Variants in DRC8 observed in about 807,000 individuals in gnomAD.
DRC8 encodes the protein dynein regulatory complex protein 8.
the DRC8 span, among the ~76,000 whole-genome samples, chr1:245,009,192 C>T: frequency 6.6e-6 from 1 of 151,250 alleles, no homozygotes; most frequent in Admixed American, 6.6e-5. Flanking sequence ...CGCACCACCA[C>T]GCCCGGCTAA....
chr1:244,988,166 A>G, the DRC8 span, among the ~76,000 whole-genome samples: 1,294 of 152,310 alleles, frequency 8.5e-3, 14 homozygotes, highest in Non-Finnish European at 0.011. Context: ...AATTAAAGTG[A>G]AAAGGGAACT....
At chr1:245,099,636 T>C in the DRC8 span, among the ~76,000 whole-genome samples, 5 of 152,236 alleles carry the variant, frequency 3.3e-5, no homozygotes, top group African/African-American at 1.2e-4. Context: ...TCTGCCCCGT[T>C]TGCAAGTGAA....
chr1:245,043,724 C>T, the DRC8 span, among the ~76,000 whole-genome samples: 3 of 152,286 alleles, frequency 2.0e-5, no homozygotes, highest in Middle Eastern at 6.8e-3. Context: ...CGTGCAGGGA[C>T]GGCCCCAGGA....
the DRC8 span, among the ~76,000 whole-genome samples, chr1:245,102,926 AG>A: frequency 8.9e-3 from 1,157 of 129,352 alleles, 10 homozygotes; most frequent in African/African-American, 0.038. Context: ...TATGGTCAGG[AG>A]GGGGGACCAG....
At chr1:245,040,489 C>T in the DRC8 span, among the ~76,000 whole-genome samples, 3 of 152,166 alleles carry the variant, frequency 2.0e-5, no homozygotes, top group East Asian at 1.9e-4. Flanking sequence ...AGACTAGCTA[C>T]GTTACTAGCA....
At chr1:244,998,087 T>G in the DRC8 span, among the ~76,000 whole-genome samples, 4 of 152,178 alleles carry the variant, frequency 2.6e-5, no homozygotes, top group Admixed American at 6.5e-5. Context: ...CTTTCCAACA[T>G]TTTACTATCA....
chr1:245,021,953 C>T, the DRC8 span, among the ~76,000 whole-genome samples: 11 of 151,828 alleles, frequency 7.2e-5, no homozygotes, highest in African/African-American at 2.4e-4. Context: ...ACTATAAGCA[C>T]GTACCACACC....
the DRC8 span, among the ~76,000 whole-genome samples, chr1:245,044,391 T>G: frequency 2.6e-5 from 4 of 152,208 alleles, no homozygotes; most frequent in African/African-American, 7.2e-5. Flanking sequence ...CGAGTTTATA[T>G]GTTTTTTCTC....
the DRC8 span, among the ~76,000 whole-genome samples, chr1:245,062,690 T>G: frequency 6.6e-6 from 1 of 152,038 alleles, no homozygotes; most frequent in Admixed American, 6.6e-5. Flanking sequence ...TGACTTTTTA[T>G]TGGGGTGACC....
the DRC8 span, among the ~76,000 whole-genome samples, chr1:245,074,656 T>C: frequency 6.6e-6 from 1 of 152,240 alleles, no homozygotes; most frequent in Admixed American, 6.5e-5. Context: ...AAGGAATTTA[T>C]AACCCAGAAG....
chr1:245,107,875 G>A, the DRC8 span, among the ~76,000 whole-genome samples: 11 of 152,130 alleles, frequency 7.2e-5, no homozygotes, highest in Non-Finnish European at 1.6e-4. Context: ...AAGCTTACCT[G>A]TGATTTCATC....
At chr1:245,066,406 TTA>T in the DRC8 span, among the ~76,000 whole-genome samples, 66 of 152,230 alleles carry the variant, frequency 4.3e-4, no homozygotes, top group Non-Finnish European at 7.8e-4. Flanking sequence ...GCACTGATAA[TTA>T]TAGCATATAA....
chr1:244,996,115 C>T, the DRC8 span, among the ~76,000 whole-genome samples: 6 of 152,100 alleles, frequency 3.9e-5, no homozygotes, highest in Non-Finnish European at 5.9e-5. Context: ...GTTCTGGCTC[C>T]GAGTCTCTCA....
At chr1:245,008,865 G>A in the DRC8 span, among the ~76,000 whole-genome samples, 2 of 151,124 alleles carry the variant, frequency 1.3e-5, no homozygotes, top group African/African-American at 2.4e-5. Flanking sequence ...GTGTGTGTGT[G>A]TATGTAGAAG....
the DRC8 span, among the ~76,000 whole-genome samples, chr1:245,086,014 G>A: frequency 1.3e-5 from 2 of 152,232 alleles, no homozygotes; most frequent in Non-Finnish European, 2.9e-5. Flanking sequence ...AGAACAGACC[G>A]CAGTGTATAC....
the DRC8 span, among the ~76,000 whole-genome samples, chr1:245,082,613 T>G: frequency 6.6e-6 from 1 of 152,222 alleles, no homozygotes; most frequent in African/African-American, 2.4e-5. Context: ...GGCTGAGGTA[T>G]TTTCAACTTT....
At chr1:244,999,993 A>G in the DRC8 span, among the ~76,000 whole-genome samples, 26 of 151,926 alleles carry the variant, frequency 1.7e-4, no homozygotes, top group African/African-American at 5.8e-4. Context: ...TAATTTTTGT[A>G]TTTTTAGTAG....
At chr1:245,002,725 G>T in the DRC8 span, among the ~76,000 whole-genome samples, 4 of 144,978 alleles carry the variant, frequency 2.8e-5, no homozygotes. Context: ...TTGCCATGTT[G>T]CTCAGGCCTT....
chr1:245,114,788 T>C, the DRC8 span, among the ~76,000 whole-genome samples: 5 of 152,312 alleles, frequency 3.3e-5, no homozygotes, highest in Admixed American at 1.3e-4. Context: ...GAGGGCACAG[T>C]GATCTTGGCT....
Sources: gnomAD v4.1 joint callset for allele counts (sites outside exome capture counted in the v4.1 genomes callset) on GRCh38, gnomAD v4.1.1 for gene constraint, MANE v1.5 for transcripts, NCBI Gene and HGNC (gene_info 2026-07-23, HGNC 2026-07-21) for gene names.